The following F11 variants were observed in gnomAD, a reference collection of about 807,000 sequenced individuals.
F11 encodes coagualtion factor XI.
In F11, 78 loss-of-function variants were observed where a neutral mutation model predicts 76.5. That is an observed-to-expected ratio of 1.02 (90% CI 0.85 to 1.23). The LOEUF is 1.23. Among genes scored for constraint, F11 ranks in the 50% most tolerant of loss-of-function variants. F11 has a pLI of 0.00. For missense variants in F11, 742 were observed against 771.4 expected (o/e 0.96, Z 0.45); for synonymous variants, 278 against 276.3 (o/e 1.01, Z -0.06).
downstream of F11, among the ~76,000 whole-genome samples, chr4:186,290,548 T>C (rs6836383): frequency 6.3e-3 from 961 of 152,344 alleles, 13 homozygotes; most frequent in African/African-American, 0.022. Context: ...GTAAAGTCTT[T>C]CCTGAGAAGC....
At chr4:186,290,035 G>T (rs1437383599), downstream of F11, among the ~76,000 whole-genome samples, 1 of 151,362 alleles carries the variant, frequency 6.6e-6, no homozygotes, top group Non-Finnish European at 1.5e-5. Context: ...GAGCTTTGAA[G>T]ATACAGTGGT....
At chr4:186,283,260 T>C (rs906335192) in intron 10 of F11, among the ~76,000 whole-genome samples, 3 of 152,002 alleles carry the variant, frequency 2.0e-5, no homozygotes, top group Non-Finnish European at 2.9e-5. Flanking sequence ...CACGTGTGTG[T>C]GTGTGTGTCT....
intron 7 of F11, among the ~76,000 whole-genome samples, chr4:186,276,656 A>G (rs1157395614): frequency 2.3e-5 from 3 of 133,204 alleles, no homozygotes; most frequent in Non-Finnish European, 4.6e-5. Flanking sequence ...GCATGATTTC[A>G]GCTCACTGCA....
downstream of F11, among the ~76,000 whole-genome samples, chr4:186,290,490 C>T (rs1207782880): frequency 6.6e-6 from 1 of 152,012 alleles, no homozygotes; most frequent in Non-Finnish European, 1.5e-5. Context: ...CAACACTTCA[C>T]ACAAAAAAAG....
chr4:186,289,751 C>T (rs1274723344), downstream of F11, among the ~76,000 whole-genome samples: 9 of 148,914 alleles, frequency 6.0e-5, no homozygotes, highest in South Asian at 2.1e-4. Context: ...GGTGTGATCT[C>T]GGCTCACTGT....
intron 2 of F11, among the ~76,000 whole-genome samples, chr4:186,269,706 C>T (rs988957349): frequency 1.3e-5 from 2 of 152,080 alleles, no homozygotes; most frequent in African/African-American, 4.8e-5. Flanking sequence ...ATGTAAATAC[C>T]CTTAGTGCCA....
chr4:186,282,526 A>C lies in F11; in HGVS notation c.1136-1566A>C, dbSNP rs1287082248. 6 of 985,268 alleles carry C rather than the reference A, an allele frequency of 6.1e-6. No homozygotes were observed. In the East Asian group the frequency reaches 6.8e-4, roughly 112 times the overall value. The allele number at this position is 985,268 out of a possible 1,614,324, so 61.0% of individuals were successfully genotyped here. ...AGCACCATTAAAATAAACATTTCTT[A>C]CCACAAAATATGATTCTAAACACAT... On this transcript the variant is annotated intron_variant, in intron 10 of 14. Coordinates refer to ENST00000403665, the MANE Select transcript of F11 (RefSeq NM_000128.4).
Position 186,274,184 on chromosome 4 carries a change from A to G in F11, c.394A>G (p.Ser132Gly). The G allele has an allele frequency of 6.2e-7, 1 of 1,614,224 alleles. No homozygotes were observed. The highest frequency in any genetic ancestry group is 8.5e-7 in the Non-Finnish European group (1 of 1,180,036). ...AAACTATAACAGCTCAGTTGCCAAGAGTGCTCAAGAATGCCAAGAAAGATG... is the reference window on the plus strand; with the variant it reads ...AAACTATAACAGCTCAGTTGCCAAGGGTGCTCAAGAATGCCAAGAAAGATG... ...GINYNSSVAK[S>G]AQECQERCTD... The change falls in exon 5 of 15, where the codon AGT becomes GGT. Residue 132 changes from serine (S) to glycine (G), a missense_variant. Physicochemically the swap from Ser to Gly is moderately conservative, Grantham distance 56. Coordinates refer to ENST00000403665, the MANE Select transcript of F11 (RefSeq NM_000128.4).
chr4:186,286,070 A>C, intron 12 of F11: 1 of 560,420 alleles, frequency 1.8e-6, no homozygotes, highest in Non-Finnish European at 3.2e-6. Flanking sequence ...ATAATTTCAT[A>C]ATACTTTGGA....
chr4:186,287,445 ATG>A (rs1040441006), intron 13 of F11: 10 of 166,678 alleles, frequency 6.0e-5, no homozygotes, highest in African/African-American at 2.2e-4. Context: ...TTAGCTGGGC[ATG>A]GTGGTGTGTG....
In F11 at chr4:186,280,580, G is replaced by A; in HGVS notation, c.1135G>A (p.Glu379Lys). Residue 379 changes from glutamate to lysine, a missense_variant and splice_region_variant, in exon 10 of 15, where the codon GAG becomes AAG. Physicochemically the swap from Glu to Lys is moderately conservative, Grantham distance 56 (BLOSUM62 1). Coordinates refer to ENST00000403665, the MANE Select transcript of F11 (RefSeq NM_000128.4). ...ATTAAGGTTGTGTAAAATGGATAAT[G>A]GTGAGTATAATGTCACTTGAAAAAA... Reference protein sequence around the residue: ...YTLRLCKMDNECTTKIKPRIV... With the variant: ...YTLRLCKMDNKCTTKIKPRIV... The A allele has an allele frequency of 6.2e-7, 1 of 1,605,310 alleles. No homozygotes were observed. The highest frequency in any genetic ancestry group is 8.5e-7 in the Non-Finnish European group (1 of 1,172,110).
intron 10 of F11, chr4:186,282,419 AG>A: frequency 1.0e-6 from 1 of 985,446 alleles, no homozygotes; most frequent in South Asian, 4.7e-5. Context: ...CTAATGTGAA[AG>A]GGAATAGCTG....
intron 2 of F11, among the ~76,000 whole-genome samples, chr4:186,268,458 G>C (rs1006632010): frequency 1.6e-4 from 25 of 152,044 alleles, no homozygotes; most frequent in African/African-American, 6.0e-4. Flanking sequence ...TACAAATATT[G>C]ACCACACACA....
In F11 at chr4:186,285,724, A is replaced by G. The variant is rs752420231; in HGVS notation, c.1391A>G (p.Gln464Arg). 3.1e-6 allele frequency: 5 copies of G among 1,614,076 alleles called. No individual in the cohort carries two copies. The highest frequency in any genetic ancestry group is 4.2e-6 in the Non-Finnish European group (5 of 1,180,024). ...GAGGACACATCTTTCTTTGGGGTTC[A>G]AGAAATAATAATCCATGATCAGTAT... ...IKEDTSFFGV[Q>R]EIIIHDQYKM... Residue 464 changes from glutamine (Q) to arginine (R), a missense_variant, in exon 12 of 15, where the codon CAA (glutamine) becomes CGA (arginine). Coordinates refer to ENST00000403665, the MANE Select transcript of F11 (RefSeq NM_000128.4).
chr4:186,277,701 G>A (rs1740486999), intron 7 of F11, among the ~76,000 whole-genome samples: 1 of 152,166 alleles, frequency 6.6e-6, no homozygotes. Flanking sequence ...TTGAGTCCCT[G>A]TTTCCTTACC....
chr4:186,284,279 T>A lies in F11; in HGVS notation c.1304+19T>A. The stretch of plus-strand genomic sequence containing the variant: ...TCTATGGGTCAGTACCACGGCTGTT[T>A]TTATTAGTTCATCTTCTTCACACAT... On this transcript the variant is annotated intron_variant, in intron 11 of 14. Transcript: ENST00000403665. 6.3e-7 allele frequency: 1 copy of A among 1,585,102 alleles called. No individual in the cohort carries two copies. Among genetic ancestry groups the A allele is most frequent in the Non-Finnish European group, 8.7e-7 (1 of 1,155,036 alleles).
rs779679525 is a variant in F11 at position 186,288,546 on chromosome 4, C to A, written c.1810C>A (p.Arg604=). The A allele has an allele frequency of 7.4e-6, 12 of 1,613,970 alleles. No homozygotes were observed. The highest frequency in any genetic ancestry group is 1.7e-5 in the Admixed American group (1 of 59,982). The change falls in exon 15 of 15, where the codon CGG becomes AGG. Residue 604 remains arginine (R), a synonymous_variant. Coordinates refer to ENST00000403665, the MANE Select transcript of F11 (RefSeq NM_000128.4). ...SWGEGCAQRE[R]PGVYTNVVEY... is the part of the protein sequence containing the mutation. ...GGGCGAAGGCTGTGCTCAAAGGGAG[C>A]GGCCAGGTGTTTACACCAACGTGGT...
At chr4:186,282,277 G>A in intron 10 of F11, 1 of 985,306 alleles carries the variant, frequency 1.0e-6, no homozygotes, top group South Asian at 4.7e-5. Flanking sequence ...AATATGCCAG[G>A]TATAGATTGA....
chr4:186,279,935 T>G, intron 7 of F11, 77 bp from the exon 8 acceptor site: 1 of 1,109,856 alleles, frequency 9.0e-7, no homozygotes, highest in Non-Finnish European at 1.4e-6. Context: ...GAGCTGACTT[T>G]ACTTTCTCTA....
Sources: allele counts gnomAD v4.1 joint callset (sites outside exome capture counted in the v4.1 genomes callset), GRCh38; gene constraint gnomAD v4.1.1; transcripts MANE v1.5; gene names NCBI Gene and HGNC (gene_info 2026-07-23, HGNC 2026-07-21).